The following TNFRSF11A variants were observed in gnomAD, a reference collection of about 807,000 sequenced individuals.
The protein encoded by TNFRSF11A is TNF receptor superfamily member 11a.
Under a neutral mutation model 55.7 loss-of-function variants are expected in TNFRSF11A, and 32 were observed. The ratio of observed to expected loss-of-function variants is 0.57; its 90% CI spans 0.43 to 0.77. TNFRSF11A has a LOEUF of 0.77. Ranked by LOEUF, TNFRSF11A falls within the 30% of genes least tolerant of loss-of-function variation. The probability of loss-of-function intolerance (pLI) is 0.00; values close to 1 mark genes in which losing one functional copy is unlikely to be tolerated. For missense variants in TNFRSF11A, 753 were observed against 809.8 expected, an observed-to-expected ratio of 0.93 and a Z score of 0.85; for synonymous variants, 311 against 331.0, an observed-to-expected ratio of 0.94 and a Z score of 0.65.
chr18:62,385,134 A>G lies in TNFRSF11A; in HGVS notation c.*100A>G. 2 of 1,301,712 alleles carry G rather than the reference A, an allele frequency of 1.5e-6. No individual in the cohort carries two copies. Among genetic ancestry groups the G allele is most frequent in the South Asian group, 1.8e-5 (1 of 55,522 alleles). 80.6% of individuals were successfully genotyped at this position (1,301,712 alleles called of 1,614,324 possible). A position where few individuals can be genotyped will look rare whatever the true frequency, so the allele number is the denominator to read the frequency against. On this transcript the variant is annotated 3_prime_UTR_variant, in exon 10 of 10. Transcript: ENST00000586569. ...CCCGGCCACCCAGGGATCGATCGGT[A>G]CAGTCGAGGAAGACCACCCGGCATT...
At chr18:62,380,948 G>A (rs561002338) in intron 9 of TNFRSF11A, among the ~76,000 whole-genome samples, 35 of 152,018 alleles carry the variant, frequency 2.3e-4, no homozygotes, top group Non-Finnish European at 3.2e-4. Context: ...GACTACAAGC[G>A]TGTGCCACCA....
intron 1 of TNFRSF11A, among the ~76,000 whole-genome samples, chr18:62,342,260 G>A (rs112857056): frequency 2.6e-5 from 4 of 151,608 alleles, no homozygotes; most frequent in East Asian, 1.9e-4. Flanking sequence ...AAATTAGCCC[G>A]GCATGGTGGT....
rs948287338 is a variant in TNFRSF11A, at chr18:62,390,143, G to A, written c.*5109G>A. On this transcript the variant is annotated 3_prime_UTR_variant, in exon 10 of 10. Coordinates refer to ENST00000586569, the MANE Select transcript of TNFRSF11A (RefSeq NM_003839.4). ...GCTCAGGAGCCATCTCAGTCATCATGTCGGACCACGTAACTATAACCAAGC... is the reference window on the plus strand; with the variant it reads ...GCTCAGGAGCCATCTCAGTCATCATATCGGACCACGTAACTATAACCAAGC... 19 of 152,180 alleles carry A rather than the reference G, an allele frequency of 1.2e-4. No homozygotes were observed. Among genetic ancestry groups the A allele is most frequent in the African/African-American group, 4.6e-4 (19 of 41,432 alleles). 9.4% of individuals were successfully genotyped at this position (152,180 alleles called of 1,614,324 possible). A position where few individuals can be genotyped will look rare whatever the true frequency, so the allele number is the denominator to read the frequency against.
chr18:62,328,975 A>C (rs2046112788), intron 1 of TNFRSF11A, among the ~76,000 whole-genome samples: 1 of 152,188 alleles, frequency 6.6e-6, no homozygotes, highest in Admixed American at 6.5e-5. Flanking sequence ...TCAATAAATC[A>C]GTGTTTTATG....
Position 62,384,833 on chromosome 18 carries a change from C to T in TNFRSF11A, c.1650C>T (p.Tyr550=), listed in dbSNP as rs1275304455. ...TCAAGGGCGACATCATCGTGGTCTACGTCAGCCAGACCTCGCAGGAGGGCG... is the reference window on the plus strand; with the variant it reads ...TCAAGGGCGACATCATCGTGGTCTATGTCAGCCAGACCTCGCAGGAGGGCG... ...MNFKGDIIVV[Y]VSQTSQEGAA... Residue 550 remains tyrosine (Y), a synonymous_variant, in exon 10 of 10, where the codon TAC becomes TAT. Coordinates refer to ENST00000586569, the MANE Select transcript of TNFRSF11A (RefSeq NM_003839.4). The T allele has an allele frequency of 1.2e-6, 2 of 1,611,402 alleles. No individual in the cohort carries two copies. The highest frequency in any genetic ancestry group is 8.5e-7 in the Non-Finnish European group (1 of 1,179,038).
chr18:62,354,406 C>A lies in TNFRSF11A; in HGVS notation c.299C>A (p.Ala100Asp). ...TCTCCCGCAGGCAAGGCCCTGGTGG[C>A]CGTGGTCGCCGGCAACAGCACGACC... ...KVCDTGKALV[A>D]VVAGNSTTPR... The change falls in exon 4 of 10, where the codon GCC becomes GAC. Residue 100 changes from alanine (A) to aspartate (D), a missense_variant. Transcript: ENST00000586569. 6.3e-7 allele frequency: 1 copy of A among 1,583,604 alleles called. No individual in the cohort carries two copies. Among genetic ancestry groups the A allele is most frequent in the East Asian group, 2.3e-5 (1 of 44,270 alleles).
intron 9 of TNFRSF11A, among the ~76,000 whole-genome samples, chr18:62,375,218 G>A (rs1020937278): frequency 4.6e-5 from 7 of 151,920 alleles, no homozygotes; most frequent in South Asian, 2.1e-4. Flanking sequence ...GAGGTGGGAG[G>A]ACAGCCAAGC....
intron 9 of TNFRSF11A, chr18:62,374,053 G>C (rs561162275): frequency 6.6e-6 from 1 of 152,228 alleles, no homozygotes; most frequent in East Asian, 1.9e-4. Context: ...GCTAAATCTC[G>C]TAAGGGCAGA....
intron 1 of TNFRSF11A, among the ~76,000 whole-genome samples, chr18:62,327,005 G>A (rs1452333076): frequency 1.3e-5 from 2 of 151,546 alleles, no homozygotes; most frequent in Non-Finnish European, 2.9e-5. Context: ...GCATCCATAG[G>A]GGCTTCTGCA....
chr18:62,384,447 C>T (rs897787738), intron 9 of TNFRSF11A, among the ~76,000 whole-genome samples: 2 of 143,860 alleles, frequency 1.4e-5, no homozygotes, highest in South Asian at 2.3e-4. Flanking sequence ...TCTTTCCTCT[C>T]CTCCTCCTCT....
In TNFRSF11A at chr18:62,380,563, A is replaced by C. The variant is rs367608164; in HGVS notation, c.1568-4188A>C. Among the ~76,000 whole-genome samples the C allele has an allele frequency of 3.3e-5, 5 of 150,282 alleles. No individual in the cohort carries two copies. In the East Asian group the frequency reaches 9.9e-4, roughly 30 times the overall value. ...GCCATTCTCCTGCCTCAGCCTCCCG[A>C]GTAGCTGGGACTACAGGCGCCTGCC... is the stretch of plus-strand genomic sequence containing the variant. On this transcript the variant is annotated intron_variant, in intron 9 of 9. Transcript: ENST00000586569.
intron 1 of TNFRSF11A, among the ~76,000 whole-genome samples, chr18:62,332,955 G>C (rs2046176677): frequency 1.2e-4 from 18 of 152,208 alleles, no homozygotes; most frequent in Admixed American, 1.2e-3. Context: ...TAGGACACAG[G>C]CATGGGAAGG....
In TNFRSF11A at chr18:62,384,866, G is replaced by C. The variant is rs772566891; in HGVS notation, c.1683G>C (p.Ala561=). ...AGACCTCGCAGGAGGGCGCGGCGGC[G>C]GCTGCGGAGCCCATGGGCCGCCCGG... ...VSQTSQEGAA[A]AAEPMGRPVQ... is the part of the protein sequence containing the mutation. The change falls in exon 10 of 10, where the codon GCG becomes GCC. Residue 561 remains alanine, a synonymous_variant. Coordinates refer to ENST00000586569, the MANE Select transcript of TNFRSF11A (RefSeq NM_003839.4). 1.2e-6 allele frequency: 2 copies of C among 1,601,614 alleles called. No homozygotes were observed. The highest frequency in any genetic ancestry group is 4.5e-5 in the East Asian group (2 of 44,440).
intron 1 of TNFRSF11A, among the ~76,000 whole-genome samples, chr18:62,346,098 A>T (rs1194122931): frequency 2.6e-5 from 4 of 152,188 alleles, no homozygotes; most frequent in Admixed American, 6.5e-5. Context: ...AATTCCCCTA[A>T]AAAGTACCTT....
Position 62,384,956 on chromosome 18 carries a change from G to C in TNFRSF11A, c.1773G>C (p.Pro591=). The C allele has an allele frequency of 6.7e-7, 1 of 1,498,548 alleles. No homozygotes were observed. The highest frequency in any genetic ancestry group is 8.8e-7 in the Non-Finnish European group (1 of 1,130,670). The allele number at this position is 1,498,548 out of a possible 1,614,324, so 92.8% of individuals were successfully genotyped here. A position where few individuals can be genotyped will look rare whatever the true frequency, so the allele number is the denominator to read the frequency against. Residue 591 remains proline (P), a synonymous_variant, in exon 10 of 10, where the codon CCG becomes CCC. Coordinates refer to ENST00000586569, the MANE Select transcript of TNFRSF11A (RefSeq NM_003839.4). ...FAGNGPRFPD[P]CGGPEGLREP... is the part of the protein sequence containing the mutation. ...GGAACGGCCCGCGCTTCCCGGACCCGTGCGGCGGCCCCGAGGGGCTGCGGG... is the reference window on the plus strand; with the variant it reads ...GGAACGGCCCGCGCTTCCCGGACCCCTGCGGCGGCCCCGAGGGGCTGCGGG...
At chr18:62,349,655 T>C (rs1485995958) in intron 2 of TNFRSF11A, among the ~76,000 whole-genome samples, 157 bp from the exon 3 acceptor site, 1 of 152,154 alleles carries the variant, frequency 6.6e-6, no homozygotes, top group African/African-American at 2.4e-5. Flanking sequence ...TGGCCTCTTC[T>C]CCTGTGTCAT....
At chr18:62,358,411 G>A in intron 5 of TNFRSF11A, 70 bp downstream of exon 5, 1 of 1,458,780 alleles carries the variant, frequency 6.9e-7, no homozygotes, top group South Asian at 1.1e-5. Context: ...TGTCTCGTCT[G>A]GGTTGAAAAC....
chr18:62,372,740 T>C (rs902077400), intron 9 of TNFRSF11A, among the ~76,000 whole-genome samples: 1 of 152,224 alleles, frequency 6.6e-6, no homozygotes, highest in Non-Finnish European at 1.5e-5. Flanking sequence ...TAGCTTCCAC[T>C]TATAAGTGAG....
In TNFRSF11A at chr18:62,358,311, C is replaced by T; in HGVS notation, c.491C>T (p.Ser164Phe). Residue 164 changes from serine to phenylalanine, a missense_variant, in exon 5 of 10, where the codon TCC becomes TTC. Physicochemically the swap from Ser to Phe is radical, Grantham distance 155. This residue lies in a region of TNFRSF11A where 567 missense variants were observed against 596.7 expected (regional missense o/e 0.95). Coordinates refer to ENST00000586569, the MANE Select transcript of TNFRSF11A (RefSeq NM_003839.4). ...CLAGYFSDAF[S>F]STDKCRPWTN... ...GCAGGCTACTTCTCTGATGCCTTTT[C>T]CTCCACGGACAAATGCAGACCCTGG... 6.3e-7 allele frequency: 1 copy of T among 1,591,458 alleles called. No individual in the cohort carries two copies. The highest frequency in any genetic ancestry group is 8.6e-7 in the Non-Finnish European group (1 of 1,167,506).
Sources: gnomAD v4.1 joint callset for allele counts (sites outside exome capture counted in the v4.1 genomes callset) on GRCh38, gnomAD v4.1.1 for gene constraint, gnomAD v4.1.1 regional missense constraint, MANE v1.5 for transcripts, NCBI Gene and HGNC (gene_info 2026-07-23, HGNC 2026-07-21) for gene names.